Variants in PACRG observed in about 807,000 individuals in gnomAD.
The protein encoded by PACRG is parkin coregulated gene protein.
In PACRG, 29 loss-of-function variants were observed where a neutral mutation model predicts 29.7. That is an observed-to-expected ratio of 0.98 (90% CI 0.73 to 1.33). PACRG has a LOEUF of 1.33. Among genes scored for constraint, PACRG ranks in the 40% most tolerant of loss-of-function variants. The pLI is 0.00. For synonymous variants in PACRG, 116 were observed against 118.7 expected, an observed-to-expected ratio of 0.98 and a Z score of 0.15; for missense variants, 279 against 316.2, an observed-to-expected ratio of 0.88 and a Z score of 0.89.
chr6:162,773,631 C>T (rs952410112), intron 1 of PACRG, among the ~76,000 whole-genome samples: 20 of 150,468 alleles, frequency 1.3e-4, no homozygotes, highest in African/African-American at 4.9e-4. Context: ...TCTCCTGCCT[C>T]AGCCTCCCGA....
chr6:163,135,620 G>A (rs148294257), intron 4 of PACRG, among the ~76,000 whole-genome samples: 2 of 151,984 alleles, frequency 1.3e-5, no homozygotes, highest in African/African-American at 2.4e-5. Context: ...ATCTTCTTCC[G>A]CATTTCTCTT....
At chr6:163,052,278 T>C (rs996670191) in intron 2 of PACRG, among the ~76,000 whole-genome samples, 6 of 152,336 alleles carry the variant, frequency 3.9e-5, no homozygotes, top group African/African-American at 1.4e-4. Flanking sequence ...CATAATATAT[T>C]AATAGATAAT....
intron 2 of PACRG, among the ~76,000 whole-genome samples, chr6:163,037,387 C>G (rs904567700): frequency 6.6e-6 from 1 of 152,236 alleles, no homozygotes; most frequent in Non-Finnish European, 1.5e-5. Flanking sequence ...TCACCTGGCC[C>G]TTGGCTGTGG....
intron 2 of PACRG, among the ~76,000 whole-genome samples, chr6:162,856,860 T>C (rs116703339): frequency 0.039 from 5,889 of 152,252 alleles, 400 homozygotes; most frequent in African/African-American, 0.13. Flanking sequence ...ATTTTGTTTT[T>C]CCCATTTTTG....
intron 1 of PACRG, among the ~76,000 whole-genome samples, chr6:162,761,400 A>T (rs1260768542): frequency 2.0e-5 from 3 of 152,156 alleles, no homozygotes; most frequent in Non-Finnish European, 4.4e-5. Flanking sequence ...ATAAAGGCGC[A>T]GGATCACGAT....
intron 4 of PACRG, among the ~76,000 whole-genome samples, chr6:163,160,502 G>A (rs1778512355): frequency 6.6e-6 from 1 of 152,106 alleles, no homozygotes; most frequent in South Asian, 2.1e-4. Context: ...ACCTCTAGGT[G>A]AACAATTACT....
chr6:162,947,789 T>C (rs1217385535), intron 2 of PACRG, among the ~76,000 whole-genome samples: 1 of 149,500 alleles, frequency 6.7e-6, no homozygotes, highest in Non-Finnish European at 1.5e-5. Context: ...AAGAAGGTAA[T>C]CCATTTACAA....
chr6:162,746,048 TA>T (rs939164517), intron 1 of PACRG, among the ~76,000 whole-genome samples: 48 of 152,152 alleles, frequency 3.2e-4, no homozygotes, highest in Non-Finnish European at 4.9e-4. Flanking sequence ...AGTAATACTA[TA>T]AAAAAATTAT....
intron 1 of PACRG, among the ~76,000 whole-genome samples, chr6:162,807,661 A>C (rs1237422918): frequency 2.6e-5 from 4 of 152,152 alleles, no homozygotes; most frequent in Non-Finnish European, 5.9e-5. Context: ...AAGATTACTG[A>C]TCACAGGTCA....
chr6:163,074,548 A>G (rs989107129), intron 3 of PACRG, among the ~76,000 whole-genome samples: 4 of 152,210 alleles, frequency 2.6e-5, no homozygotes, highest in African/African-American at 4.8e-5. Context: ...TTAAATAACT[A>G]AAAGAGCATA....
At chr6:163,310,961 C>G (rs949263428) in intron 4 of PACRG, 1 of 152,136 alleles carries the variant, frequency 6.6e-6, no homozygotes, top group African/African-American at 2.4e-5. Flanking sequence ...TAGACACGTG[C>G]GTCCTAGTTC....
intron 2 of PACRG, among the ~76,000 whole-genome samples, chr6:162,928,817 A>G (rs545466852): frequency 6.6e-6 from 1 of 151,644 alleles, no homozygotes; most frequent in East Asian, 1.9e-4. Flanking sequence ...TTTCTTCTTA[A>G]TAAGGTCCAC....
At chr6:163,314,734 A>C in intron 4 of PACRG, 93 bp from the exon 5 acceptor site, 1 of 1,374,786 alleles carries the variant, frequency 7.3e-7, no homozygotes, top group Non-Finnish European at 9.8e-7. Context: ...TGTGTCTCCT[A>C]ATAAGCATTC....
At chr6:163,040,656 C>G (rs1808608362) in intron 2 of PACRG, among the ~76,000 whole-genome samples, 1 of 152,202 alleles carries the variant, frequency 6.6e-6, no homozygotes, top group Admixed American at 6.5e-5. Flanking sequence ...AATATGGAGT[C>G]AAAGGAGATT....
chr6:163,036,485 A>G (rs954323800), intron 2 of PACRG, among the ~76,000 whole-genome samples: 2 of 152,232 alleles, frequency 1.3e-5, no homozygotes, highest in African/African-American at 4.8e-5. Flanking sequence ...GCAGGAGCCT[A>G]AATGAAATCA....
intron 1 of PACRG, among the ~76,000 whole-genome samples, chr6:162,773,962 T>C (rs1485319033): frequency 6.6e-6 from 1 of 152,192 alleles, no homozygotes; most frequent in African/African-American, 2.4e-5. Context: ...AAATATAAAC[T>C]GCACCAAAAT....
chr6:162,824,727 G>A (rs768107801), intron 2 of PACRG, among the ~76,000 whole-genome samples: 50 of 152,160 alleles, frequency 3.3e-4, no homozygotes, highest in Non-Finnish European at 6.9e-4. Context: ...CTTATAATGG[G>A]AAAGACATGG....
chr6:162,822,079 A>C (rs1037208510), intron 2 of PACRG, among the ~76,000 whole-genome samples: 5 of 152,150 alleles, frequency 3.3e-5, no homozygotes, highest in Non-Finnish European at 5.9e-5. Context: ...ATTTTTAAGG[A>C]ACTCAAAGGA....
chr6:163,186,693 T>C (rs1779952816), intron 4 of PACRG, among the ~76,000 whole-genome samples: 1 of 152,208 alleles, frequency 6.6e-6, no homozygotes, highest in East Asian at 1.9e-4. Context: ...GACCAGGCGC[T>C]CCCTGGCCCC....
Sources: gnomAD v4.1 joint callset for allele counts (sites outside exome capture counted in the v4.1 genomes callset) on GRCh38, gnomAD v4.1.1 for gene constraint, MANE v1.5 for transcripts, NCBI Gene and HGNC (gene_info 2026-07-23, HGNC 2026-07-21) for gene names.